The following UGT1A10 variants were observed in gnomAD, a reference collection of about 807,000 sequenced individuals.
The protein encoded by UGT1A10 is UDP glucuronosyltransferase family 1 member A10.
In UGT1A10, 49 loss-of-function variants were observed where a neutral mutation model predicts 45.8. The ratio of observed to expected loss-of-function variants is 1.07; its 90% CI spans 0.85 to 1.36. UGT1A10 has a LOEUF of 1.36. Among genes scored for constraint, UGT1A10 ranks in the 40% most tolerant of loss-of-function variants. UGT1A10 has a pLI of 0.00. For synonymous variants in UGT1A10, 284 were observed against 249.7 expected (o/e 1.14, Z -1.29); for missense variants, 745 against 668.6 (o/e 1.11, Z -1.26).
At chr2:233,766,428 A>G (rs1336103880) in intron 1 of UGT1A10, among the ~76,000 whole-genome samples, 1 of 152,116 alleles carries the variant, frequency 6.6e-6, no homozygotes, top group African/African-American at 2.4e-5. Context: ...CCCGATGTCC[A>G]GCTACCTGTG....
chr2:233,649,767 G>T (rs1226134774), intron 1 of UGT1A10, among the ~76,000 whole-genome samples: 1 of 152,142 alleles, frequency 6.6e-6, no homozygotes, highest in African/African-American at 2.4e-5. Flanking sequence ...TGACCCTGAA[G>T]AAAGTATAAA....
intron 1 of UGT1A10, among the ~76,000 whole-genome samples, chr2:233,707,634 C>T (rs2075978747): frequency 6.6e-6 from 1 of 151,620 alleles, no homozygotes; most frequent in South Asian, 2.1e-4. Flanking sequence ...GAATATATCC[C>T]ATTGTATGAA....
rs569556369 is a variant in UGT1A10, at chr2:233,768,497, C to G, written c.1295+58C>G. 8 of 1,559,772 alleles carry G rather than the reference C, an allele frequency of 5.1e-6. No individual in the cohort carries two copies. The South Asian group carries it at 9.4e-5, about 18-fold the overall frequency. On this transcript the variant is annotated intron_variant, in intron 4 of 4. Coordinates refer to ENST00000344644, the MANE Select transcript of UGT1A10 (RefSeq NM_019075.4). ...CATGGCATTCATGATAAAATTGTTT[C>G]AAATATGAAAACATTTACGTAGCAT... is the stretch of plus-strand genomic sequence containing the variant.
At chr2:233,693,555 G>C in intron 1 of UGT1A10, 1 of 1,614,172 alleles carries the variant, frequency 6.2e-7, no homozygotes, top group East Asian at 2.2e-5. Flanking sequence ...ACATTCAGCA[G>C]AAGCCCAGAC....
Position 233,768,226 on chromosome 2 carries a change from C to A in UGT1A10, c.1082C>A (p.Pro361Gln). The A allele has an allele frequency of 6.2e-7, 1 of 1,614,202 alleles. No homozygotes were observed. The highest frequency in any genetic ancestry group is 8.5e-7 in the Non-Finnish European group (1 of 1,180,042). ...TCCCTATTTTGCATCTCAGGTCACC[C>A]GATGACCCGTGCCTTTATCACCCAT... ...WLPQNDLLGH[P>Q]MTRAFITHAG... Residue 361 changes from proline to glutamine, a missense_variant, in exon 4 of 5, where the codon CCG becomes CAG. Coordinates refer to ENST00000344644, the MANE Select transcript of UGT1A10 (RefSeq NM_019075.4).
chr2:233,654,533 T>C (rs533083708), intron 1 of UGT1A10, among the ~76,000 whole-genome samples: 1 of 152,332 alleles, frequency 6.6e-6, no homozygotes, highest in South Asian at 2.1e-4. Context: ...TTTTCTGCAG[T>C]TGATTATATA....
intron 1 of UGT1A10, among the ~76,000 whole-genome samples, chr2:233,695,873 C>T (rs1342839498): frequency 6.6e-6 from 1 of 152,156 alleles, no homozygotes; most frequent in African/African-American, 2.4e-5. Context: ...ACAAACAACG[C>T]AGAAAACTTC....
intron 1 of UGT1A10, among the ~76,000 whole-genome samples, chr2:233,726,609 C>G (rs927536139): frequency 3.4e-4 from 51 of 152,176 alleles, no homozygotes; most frequent in African/African-American, 1.2e-3. Flanking sequence ...ATTACACTGT[C>G]CTGCCCAGAT....
At chr2:233,654,436 C>T (rs563733955) in intron 1 of UGT1A10, among the ~76,000 whole-genome samples, 1 of 152,302 alleles carries the variant, frequency 6.6e-6, no homozygotes, top group African/African-American at 2.4e-5. Flanking sequence ...GTAGATATAT[C>T]TCTGTACTCC....
chr2:233,666,063 T>C (rs1292173731), intron 1 of UGT1A10, among the ~76,000 whole-genome samples: 1 of 152,208 alleles, frequency 6.6e-6, no homozygotes, highest in African/African-American at 2.4e-5. Context: ...GGCACCAGCA[T>C]CCGCATCTGG....
intron 1 of UGT1A10, among the ~76,000 whole-genome samples, chr2:233,642,183 T>C (rs2073470383): frequency 1.3e-5 from 2 of 152,214 alleles, no homozygotes; most frequent in Non-Finnish European, 2.9e-5. Context: ...CCTATAAGCA[T>C]GCTTCATTGT....
At chr2:233,756,441 T>C (rs1696218483) in intron 1 of UGT1A10, 1 of 152,178 alleles carries the variant, frequency 6.6e-6, no homozygotes, top group African/African-American at 2.4e-5. Flanking sequence ...TCATTGTTGT[T>C]CCCCCCAAAT....
At chr2:233,721,896 G>T in intron 1 of UGT1A10, 1 of 474,320 alleles carries the variant, frequency 2.1e-6, no homozygotes, top group South Asian at 1.5e-5. Flanking sequence ...TTGCAATATC[G>T]AAATGGTGCA....
At chr2:233,744,288 T>C (rs1457237548) in intron 1 of UGT1A10, among the ~76,000 whole-genome samples, 5 of 151,784 alleles carry the variant, frequency 3.3e-5, no homozygotes, top group Non-Finnish European at 7.4e-5. Context: ...TATCAGTCTT[T>C]TTCCTCGGCC....
At chr2:233,756,673 G>C (rs542273174) in intron 1 of UGT1A10, among the ~76,000 whole-genome samples, 32 of 152,264 alleles carry the variant, frequency 2.1e-4, no homozygotes, top group South Asian at 1.0e-3. Context: ...ATTTCCGCTA[G>C]AACTGCTATA....
chr2:233,757,535 A>AATATATATATATATATATATATATAT (rs67292694), intron 1 of UGT1A10, among the ~76,000 whole-genome samples: 77 of 88,242 alleles, frequency 8.7e-4, no homozygotes, highest in East Asian at 3.1e-3. Context: ...GCCTGTAAGG[A>AATATATATATATATATATATATATAT]ATATATATAT....
At chr2:233,660,999 CT>C (rs1315658997) in intron 1 of UGT1A10, among the ~76,000 whole-genome samples, 3 of 151,990 alleles carry the variant, frequency 2.0e-5, no homozygotes, top group Non-Finnish European at 2.9e-5. Flanking sequence ...CATATAATGA[CT>C]TTGTTTTTCT....
chr2:233,766,893 T>C (rs1364703426), intron 1 of UGT1A10, 141 bp from the exon 2 acceptor site: 21 of 1,472,754 alleles, frequency 1.4e-5, no homozygotes. Flanking sequence ...AACTTACATA[T>C]TAATAATTTT....
intron 1 of UGT1A10, among the ~76,000 whole-genome samples, chr2:233,669,525 ATC>A (rs1474103047): frequency 2.6e-5 from 4 of 152,148 alleles, no homozygotes; most frequent in African/African-American, 9.7e-5. Context: ...TGTCAGATTT[ATC>A]TGTTAGTATT....
Sources: gnomAD v4.1 joint callset for allele counts (sites outside exome capture counted in the v4.1 genomes callset) on GRCh38, gnomAD v4.1.1 for gene constraint, MANE v1.5 for transcripts, NCBI Gene and HGNC (gene_info 2026-07-23, HGNC 2026-07-21) for gene names.